RARB: variants seen among roughly 807,000 people sequenced by gnomAD.
The protein encoded by RARB is HBV-activated protein.
A neutral mutation model predicts 51.9 loss-of-function variants in RARB; 17 were observed. The observed-to-expected ratio is 0.33, with a 90% CI of 0.22 to 0.49. The LOEUF is 0.49. Ranked by LOEUF, RARB falls within the 20% of genes least tolerant of loss-of-function variation. The pLI is 0.99. For missense variants in RARB, 369 were observed against 550.8 expected, an observed-to-expected ratio of 0.67 and a Z score of 3.30; for synonymous variants, 215 against 195.4, an observed-to-expected ratio of 1.10 and a Z score of -0.84.
At chr3:25,173,086 G>T (rs1042160202) in intron 4 of RARB, among the ~76,000 whole-genome samples, 2 of 152,190 alleles carry the variant, frequency 1.3e-5, no homozygotes, top group Admixed American at 1.3e-4. Flanking sequence ...TCAGTGGGCA[G>T]AGTTTGGGAG....
chr3:25,168,658 A>T (rs1416445427), intron 4 of RARB, among the ~76,000 whole-genome samples: 3 of 152,246 alleles, frequency 2.0e-5, no homozygotes, highest in African/African-American at 7.2e-5. Context: ...GTAAAAATCA[A>T]TAGAATAATT....
rs113210748 is a variant in RARB at position 24,890,848 on chromosome 3, TA to T, written c.-380+32105del. 4.0e-5 allele frequency among the ~76,000 whole-genome samples: 6 copies of T among 151,206 alleles called. No homozygotes were observed. In the South Asian group the frequency reaches 8.4e-4, roughly 21 times the overall value. On this transcript the variant is annotated intron_variant, in intron 2 of 11. Coordinates refer to the RARB transcript ENST00000383772. ...TATGTGAATGAGGGCTCTGGAGTAA[TA>T]AAAAAAAATGCGGTTTGAGTTTGGG...
intron 2 of RARB, among the ~76,000 whole-genome samples, chr3:24,986,958 T>G (rs1378913163): frequency 1.5e-5 from 2 of 129,400 alleles, no homozygotes; most frequent in African/African-American, 5.9e-5. Flanking sequence ...CCAAGAACAT[T>G]TAGATTTCAA....
intron 5 of RARB, among the ~76,000 whole-genome samples, chr3:25,253,785 A>G (rs1436299931): frequency 6.6e-6 from 1 of 152,166 alleles, no homozygotes; most frequent in African/African-American, 2.4e-5. Flanking sequence ...CATTATTTGA[A>G]GCGTACTAAA....
chr3:25,366,463 A>C (rs1326639774), intron 5 of RARB, among the ~76,000 whole-genome samples: 1 of 152,234 alleles, frequency 6.6e-6, no homozygotes, highest in African/African-American at 2.4e-5. Context: ...TGATCAGGTT[A>C]ATAGAAGTAA....
chr3:25,114,900 C>T (rs1207414182), intron 3 of RARB, among the ~76,000 whole-genome samples: 1 of 152,112 alleles, frequency 6.6e-6, no homozygotes, highest in Non-Finnish European at 1.5e-5. Context: ...TTATAAAATA[C>T]TGAGTTGAAA....
intron 5 of RARB, among the ~76,000 whole-genome samples, chr3:25,265,503 T>C (rs1209971536): frequency 3.3e-5 from 5 of 152,152 alleles, no homozygotes; most frequent in Non-Finnish European, 5.9e-5. Context: ...GACAGAGTCT[T>C]GCTCTGTCAC....
intron 2 of RARB, among the ~76,000 whole-genome samples, chr3:24,862,259 C>T (rs370512651): frequency 1.3e-5 from 2 of 152,132 alleles, no homozygotes; most frequent in Non-Finnish European, 2.9e-5. Flanking sequence ...CATCAGTCAT[C>T]GAGTGTTGGA....
chr3:24,937,880 G>GA (rs995635012), intron 2 of RARB, among the ~76,000 whole-genome samples: 66 of 152,042 alleles, frequency 4.3e-4, no homozygotes, highest in African/African-American at 1.5e-3. Flanking sequence ...GAGAAATCCG[G>GA]AAAAAACAAA....
chr3:24,845,354 C>G (rs1185821322), intron 1 of RARB, among the ~76,000 whole-genome samples: 1 of 152,100 alleles, frequency 6.6e-6, no homozygotes, highest in African/African-American at 2.4e-5. Flanking sequence ...TAGGAAGGAG[C>G]AGTAGGTAAG....
chr3:25,327,917 C>T (rs548596796), intron 5 of RARB, among the ~76,000 whole-genome samples: 7 of 152,222 alleles, frequency 4.6e-5, no homozygotes, highest in Non-Finnish European at 7.4e-5. Flanking sequence ...AAGCAACTAT[C>T]GACTTGCAGA....
intron 5 of RARB, among the ~76,000 whole-genome samples, chr3:25,229,190 A>G (rs1489169956): frequency 6.6e-6 from 1 of 152,108 alleles, no homozygotes; most frequent in Non-Finnish European, 1.5e-5. Context: ...CAGGCAAACC[A>G]TCTTTTTAGT....
chr3:25,106,466 TTG>T (rs201304218), intron 3 of RARB, among the ~76,000 whole-genome samples: 1 of 123,946 alleles, frequency 8.1e-6, no homozygotes, highest in African/African-American at 3.4e-5. Flanking sequence ...TTGTTTTTTT[TTG>T]TTTTGTTTTT....
intron 2 of RARB, among the ~76,000 whole-genome samples, chr3:25,054,828 G>A (rs1698405559): frequency 6.6e-6 from 1 of 152,166 alleles, no homozygotes; most frequent in Non-Finnish European, 1.5e-5. Flanking sequence ...ATATATTGAA[G>A]GCCAAGAGGA....
intron 3 of RARB, among the ~76,000 whole-genome samples, chr3:25,528,377 T>G (rs1698746561): frequency 6.6e-6 from 1 of 152,130 alleles, no homozygotes. Context: ...TGTGAAACCC[T>G]GTTATAACAT....
At chr3:24,911,409 G>A (rs1448409283) in intron 2 of RARB, among the ~76,000 whole-genome samples, 1 of 152,170 alleles carries the variant, frequency 6.6e-6, no homozygotes, top group Non-Finnish European at 1.5e-5. Context: ...GCTAAACCTG[G>A]AATGAGCTGA....
intron 3 of RARB, among the ~76,000 whole-genome samples, chr3:25,528,350 T>G (rs1189060656): frequency 2.0e-5 from 3 of 152,140 alleles, no homozygotes; most frequent in Non-Finnish European, 2.9e-5. Flanking sequence ...TCCAGACAGC[T>G]TGGTGTAAAA....
chr3:25,004,556 G>T (rs1697230219), intron 2 of RARB, among the ~76,000 whole-genome samples: 1 of 152,068 alleles, frequency 6.6e-6, no homozygotes, highest in South Asian at 2.1e-4. Flanking sequence ...TGGGAGCAGA[G>T]CTCTCATGGC....
chr3:25,189,007 A>C (rs1240795853), intron 5 of RARB, among the ~76,000 whole-genome samples: 3 of 152,184 alleles, frequency 2.0e-5, no homozygotes, highest in African/African-American at 7.2e-5. Context: ...AGTCTAACCC[A>C]AGAAGAGGAG....
Sources: allele counts gnomAD v4.1 joint callset (sites outside exome capture counted in the v4.1 genomes callset), GRCh38; gene constraint gnomAD v4.1.1; transcripts MANE v1.5; gene names NCBI Gene and HGNC (gene_info 2026-07-23, HGNC 2026-07-21).